PCDH15: variants seen among roughly 807,000 people sequenced by gnomAD.
PCDH15 encodes the protein protocadherin related 15, also known as protocadherin-15.
Under a neutral mutation model 178.5 loss-of-function variants are expected in PCDH15, and 129 were observed. The ratio of observed to expected loss-of-function variants is 0.72; its 90% CI spans 0.63 to 0.84. The LOEUF is 0.84. Ranked by LOEUF, PCDH15 falls within the 40% of genes least tolerant of loss-of-function variation. The pLI, the probability that PCDH15 is intolerant of heterozygous loss-of-function variation, is 0.00. For synonymous variants in PCDH15, 800 were observed against 732.0 expected (o/e 1.09, Z -1.50); for missense variants, 2,230 against 2,099.9 (o/e 1.06, Z -1.21).
chr10:55,066,454 C>T (rs993594744), intron 2 of PCDH15, among the ~76,000 whole-genome samples: 1 of 150,320 alleles, frequency 6.7e-6, no homozygotes. Context: ...GCAGTGTTCT[C>T]TGTATCACAT....
chr10:54,388,327 C>T lies in PCDH15; in HGVS notation c.158-9385G>A, dbSNP rs181345175. On this transcript the variant is annotated intron_variant, in intron 3 of 37. Transcript: ENST00000644397. The stretch of plus-strand genomic sequence containing the variant: ...AGCGTTCAACTTCTGGTCCTAGAAC[C>T]CAAATGTCACCCAGCTGAAGGTCAC... 2.1e-3 allele frequency among the ~76,000 whole-genome samples: 314 copies of T among 152,226 alleles called. 1 individual carries two copies. Among genetic ancestry groups the T allele is most frequent in the Non-Finnish European group, 3.7e-3 (253 of 68,018 alleles).
At chr10:54,441,540 T>C (rs1367495225) in intron 3 of PCDH15, among the ~76,000 whole-genome samples, 1 of 151,824 alleles carries the variant, frequency 6.6e-6, no homozygotes, top group African/African-American at 2.4e-5. Context: ...AGTCTTGACA[T>C]TGCCATTAAT....
chr10:54,527,516 G>T (rs1589903798), intron 3 of PCDH15, among the ~76,000 whole-genome samples: 1 of 152,246 alleles, frequency 6.6e-6, no homozygotes, highest in East Asian at 1.9e-4. Context: ...CTATACACAT[G>T]ATAGTCAACT....
intron 8 of PCDH15, among the ~76,000 whole-genome samples, chr10:54,254,123 A>G (rs1001413702): frequency 6.6e-6 from 1 of 152,080 alleles, no homozygotes; most frequent in African/African-American, 2.4e-5. Flanking sequence ...AAAATACCAT[A>G]AACTCTATCT....
In PCDH15 at chr10:55,281,284, T is replaced by G. The variant is rs372234294; in HGVS notation, c.-156+38315A>C. ...TAATCTGTCTTCATTTTCTTATTTCTCACTTGCTCCACTTTATTGCCTCCT... is the reference window on the plus strand; with the variant it reads ...TAATCTGTCTTCATTTTCTTATTTCGCACTTGCTCCACTTTATTGCCTCCT... On this transcript the variant is annotated intron_variant, in intron 1 of 5. Transcript: ENST00000458638. Among the ~76,000 whole-genome samples the G allele has an allele frequency of 7.9e-5, 12 of 152,266 alleles. No individual in the cohort carries two copies. The South Asian group carries it at 1.9e-3, about 24-fold the overall frequency.
chr10:54,489,330 T>G (rs1443409859), intron 3 of PCDH15, among the ~76,000 whole-genome samples: 1 of 149,818 alleles, frequency 6.7e-6, no homozygotes, highest in African/African-American at 2.4e-5. Flanking sequence ...AAAATACAAT[T>G]TAGTGTGCCT....
At chr10:54,255,220 C>T (rs778269381) in intron 8 of PCDH15, among the ~76,000 whole-genome samples, 1 of 152,230 alleles carries the variant, frequency 6.6e-6, no homozygotes, top group Admixed American at 6.5e-5. Context: ...ATCCTGACAT[C>T]GATTTCCTTC....
intron 8 of PCDH15, among the ~76,000 whole-genome samples, chr10:54,255,459 T>C (rs981015025): frequency 6.6e-6 from 1 of 152,202 alleles, no homozygotes; most frequent in Non-Finnish European, 1.5e-5. Context: ...TGAAGTGTTT[T>C]CAAATATCAA....
intron 2 of PCDH15, among the ~76,000 whole-genome samples, chr10:54,566,093 AATACATAC>A (rs897750269): frequency 6.6e-6 from 1 of 152,008 alleles, no homozygotes. Context: ...TCAATAAATA[AATACATAC>A]ATACATACAT....
chr10:54,002,067 GTA>G (rs1183737133), intron 20 of PCDH15, among the ~76,000 whole-genome samples: 5 of 35,964 alleles, frequency 1.4e-4, no homozygotes, highest in South Asian at 1.2e-3. Flanking sequence ...ATATATACAT[GTA>G]TATATATACA....
intron 1 of PCDH15, among the ~76,000 whole-genome samples, chr10:55,274,911 C>T (rs938392468): frequency 3.3e-5 from 5 of 152,084 alleles, no homozygotes; most frequent in Non-Finnish European, 7.3e-5. Context: ...GGAGCCAGAG[C>T]TCAGGCAGTA....
chr10:54,075,732 C>T (rs1187986552), intron 17 of PCDH15, among the ~76,000 whole-genome samples: 1 of 152,134 alleles, frequency 6.6e-6, no homozygotes, highest in Non-Finnish European at 1.5e-5. Flanking sequence ...ATGATCATAG[C>T]ACCCATCTTA....
In PCDH15 at chr10:53,991,201, G is replaced by A. The variant is rs192209250; in HGVS notation, c.2868+4448C>T. Among the ~76,000 whole-genome samples, 191 of 152,290 alleles carry A rather than the reference G, an allele frequency of 1.3e-3. 2 individuals are homozygous for A. The highest frequency in any genetic ancestry group is 4.8e-3 in the Admixed American group (74 of 15,312). On this transcript the variant is annotated intron_variant, in intron 21 of 37. Transcript: ENST00000644397. The stretch of plus-strand genomic sequence containing the variant: ...CCCAAGGGCTGAGGAGAGCGGGCGC[G>A]CGGTGCGGGACTGGCAGGCAGCTCT...
chr10:54,751,431 A>C (rs1946210246), intron 1 of PCDH15, among the ~76,000 whole-genome samples: 4 of 152,180 alleles, frequency 2.6e-5, no homozygotes, highest in Admixed American at 2.0e-4. Flanking sequence ...AACAGATGGC[A>C]CCTGCTAAAT....
At chr10:55,219,933 G>A (rs971693121) in intron 1 of PCDH15, among the ~76,000 whole-genome samples, 2 of 150,526 alleles carry the variant, frequency 1.3e-5, no homozygotes, top group African/African-American at 2.5e-5. Context: ...TAACATGTTA[G>A]GTCATCAATA....
At chr10:54,575,382 A>G (rs1337822152) in intron 2 of PCDH15, 3 of 153,326 alleles carry the variant, frequency 2.0e-5, no homozygotes, top group Non-Finnish European at 4.4e-5. Context: ...TCTCATTATA[A>G]CTAATTCCTA....
chr10:55,589,203 T>G lies in PCDH15; in HGVS notation c.-156+38422A>C, dbSNP rs980273110. Among the ~76,000 whole-genome samples, 29 of 152,176 alleles carry G rather than the reference T, an allele frequency of 1.9e-4. 1 individual carries two copies. The highest frequency in any genetic ancestry group is 1.9e-3 in the Admixed American group (29 of 15,270). ...TATGGTTTTAGGTCTAACGTTTAAG[T>G]CTTTAATCCACCTTGAATTAATTTT... On this transcript the variant is annotated intron_variant, in intron 2 of 5. Transcript: ENST00000613346.
At chr10:55,627,414 A>G (rs1239626037) in intron 2 of PCDH15, among the ~76,000 whole-genome samples, 1 of 152,062 alleles carries the variant, frequency 6.6e-6, no homozygotes, top group African/African-American at 2.4e-5. Flanking sequence ...ACACAAACAC[A>G]TACATGTAAG....
chr10:54,091,196 C>T (rs981646262), intron 15 of PCDH15, among the ~76,000 whole-genome samples: 1 of 152,130 alleles, frequency 6.6e-6, no homozygotes, highest in Non-Finnish European at 1.5e-5. Context: ...AATTTGGATG[C>T]TATCAGAGAG....
Sources: gnomAD v4.1 joint callset for allele counts (sites outside exome capture counted in the v4.1 genomes callset) on GRCh38, gnomAD v4.1.1 for gene constraint, MANE v1.5 for transcripts, NCBI Gene and HGNC (gene_info 2026-07-23, HGNC 2026-07-21) for gene names.